Variants in PCDHA1 observed in about 807,000 individuals in gnomAD.
PCDHA1 encodes the protein protocadherin alpha-1.
Under a neutral mutation model 61.3 loss-of-function variants are expected in PCDHA1, and 42 were observed. The ratio of observed to expected loss-of-function variants is 0.69; its 90% confidence interval spans 0.54 to 0.89. The LOEUF is 0.89. PCDHA1 is among the 40% of genes least tolerant of loss of function. The probability of loss-of-function intolerance (pLI) is 0.00; values close to 1 mark genes in which losing one functional copy is unlikely to be tolerated. For missense variants in PCDHA1, 1,256 were observed against 1,235.3 expected, an observed-to-expected ratio of 1.02 and a Z score of -0.25; for synonymous variants, 610 against 553.8, an observed-to-expected ratio of 1.10 and a Z score of -1.43.
intron 1 of PCDHA1, chr5:140,796,866 A>C (rs2149924713): frequency 6.2e-7 from 1 of 1,614,040 alleles, no homozygotes; most frequent in Non-Finnish European, 8.5e-7. Context: ...TCAGCACGAC[A>C]CGTGCCCTAG....
intron 1 of PCDHA1, among the ~76,000 whole-genome samples, chr5:140,964,886 T>C (rs529789945): frequency 6.6e-6 from 1 of 152,306 alleles, no homozygotes; most frequent in South Asian, 2.1e-4. Context: ...GCAGCAGTGA[T>C]AGGAGGCTGG....
At chr5:140,829,705 C>G (rs2150172886) in intron 1 of PCDHA1, 4 of 1,613,374 alleles carry the variant, frequency 2.5e-6, no homozygotes, top group East Asian at 4.5e-5. Context: ...TGAGCGCGCG[C>G]GACGCGGGCG....
At chr5:140,927,748 G>T (rs782605586) in intron 1 of PCDHA1, 3 of 1,614,206 alleles carry the variant, frequency 1.9e-6, no homozygotes, top group Admixed American at 1.7e-5. Flanking sequence ...CCGCTTTCAC[G>T]TGCACCCTAA....
chr5:140,947,315 C>T (rs116397497), intron 1 of PCDHA1, among the ~76,000 whole-genome samples: 3,556 of 151,556 alleles, frequency 0.023, 49 homozygotes, highest in Middle Eastern at 0.034. Flanking sequence ...TGTAAAAAGT[C>T]GGTTGACCAT....
chr5:140,792,812 A>G (rs1246137356), intron 1 of PCDHA1, among the ~76,000 whole-genome samples: 1 of 152,166 alleles, frequency 6.6e-6, no homozygotes, highest in Admixed American at 6.5e-5. Flanking sequence ...TACATATGCA[A>G]TTGCTTTGCA....
intron 1 of PCDHA1, chr5:140,858,764 G>C: frequency 4.4e-6 from 2 of 451,976 alleles, no homozygotes; most frequent in Non-Finnish European, 8.0e-6. Context: ...ACAAATATTT[G>C]TGAGATTAGT....
In PCDHA1 at chr5:140,927,773, A is replaced by G. The variant is rs143568645; in HGVS notation, c.2395-51176A>G. ...GTGCACCCTAAAAGTGGGGAGGTGC[A>G]AGTAGCTGCTTCACTAGGTCCGCCT... is the stretch of plus-strand genomic sequence containing the variant. On this transcript the variant is annotated intron_variant, in intron 1 of 3. Coordinates refer to ENST00000504120, the MANE Select transcript of PCDHA1 (RefSeq NM_018900.4). 201 of 1,614,196 alleles carry G rather than the reference A, an allele frequency of 1.2e-4. 4 individuals carry two copies. In the Middle Eastern group the frequency reaches 2.1e-3, roughly 17 times the overall value.
chr5:140,952,338 C>CAAAAAAAA (rs55931446), intron 1 of PCDHA1, among the ~76,000 whole-genome samples: 1 of 135,028 alleles, frequency 7.4e-6, no homozygotes. Context: ...AACTCCATCT[C>CAAAAAAAA]AAAAAAAAAA....
chr5:140,836,831 A>G lies in PCDHA1; in HGVS notation c.2394+48147A>G, dbSNP rs927373808. 3.2e-6 allele frequency: 3 copies of G among 927,304 alleles called. No individual in the cohort carries two copies. In the African/African-American group the frequency reaches 5.0e-5, roughly 16 times the overall value. The allele number at this position is 927,304 out of a possible 1,614,324, so 57.4% of individuals were successfully genotyped here. ...TCTTTCATAATTTCTTTTTTAGTTG[A>G]TAGCTTTATGTATAATTATTATTTT... On this transcript the variant is annotated intron_variant, in intron 1 of 3. Coordinates refer to ENST00000504120, the MANE Select transcript of PCDHA1 (RefSeq NM_018900.4).
intron 1 of PCDHA1, chr5:140,797,257 C>T: frequency 6.2e-7 from 1 of 1,614,214 alleles, no homozygotes; most frequent in Non-Finnish European, 8.5e-7. Flanking sequence ...GGAGGACCCC[C>T]CCAAGACGGA....
chr5:140,804,261 T>C (rs1212354141), intron 1 of PCDHA1: 1 of 152,214 alleles, frequency 6.6e-6, no homozygotes, highest in Non-Finnish European at 1.5e-5. Flanking sequence ...AGAATAACAA[T>C]TGCATTTAGA....
intron 1 of PCDHA1, chr5:140,869,173 T>C: frequency 6.2e-7 from 1 of 1,613,884 alleles, no homozygotes; most frequent in African/African-American, 1.3e-5. Flanking sequence ...CCTCGAATTC[T>C]GGGAGGTGGG....
chr5:140,993,891 C>G (rs2097585722), intron 3 of PCDHA1, among the ~76,000 whole-genome samples: 1 of 152,096 alleles, frequency 6.6e-6, no homozygotes. Flanking sequence ...CTATGATGTC[C>G]ATACAACAAA....
chr5:140,796,789 T>C (rs1196186829), intron 1 of PCDHA1: 1 of 1,614,110 alleles, frequency 6.2e-7, no homozygotes, highest in Non-Finnish European at 8.5e-7. Context: ...GTGGCTTTCG[T>C]ACGAGCTTCA....
At chr5:140,855,952 A>AT in intron 1 of PCDHA1, 1 of 1,380,786 alleles carries the variant, frequency 7.2e-7, no homozygotes, top group South Asian at 1.4e-5. Flanking sequence ...AGCCATTTCG[A>AT]TAAAAAATAG....
At chr5:140,977,126 T>C (rs782356713) in intron 1 of PCDHA1, among the ~76,000 whole-genome samples, 27 of 152,240 alleles carry the variant, frequency 1.8e-4, no homozygotes, top group Admixed American at 4.6e-4. Context: ...GAACTGAGTT[T>C]CCTGGTCAGT....
chr5:140,869,546 C>A (rs201504685), intron 1 of PCDHA1: 3 of 1,614,170 alleles, frequency 1.9e-6, no homozygotes, highest in East Asian at 4.5e-5. Flanking sequence ...TCTAAGCAAT[C>A]GGACTCGCGT....
In PCDHA1 at chr5:140,884,802, ACTCTGC is replaced by A. The variant is rs2060361534; in HGVS notation, c.2395-94146_2395-94141del. The A allele has an allele frequency of 4.1e-6, 5 of 1,232,140 alleles. No individual in the cohort carries two copies. The South Asian group carries it at 9.1e-5, about 22-fold the overall frequency. The allele number at this position is 1,232,140 out of a possible 1,614,324, so 76.3% of individuals were successfully genotyped here. A position where few individuals can be genotyped will look rare whatever the true frequency, so the allele number is the denominator to read the frequency against. ...TTGCTAGTTGTTATCGAATTTAACA[ACTCTGC>A]TGTGGACATTATGTGTTGGATTATC... is the stretch of plus-strand genomic sequence containing the variant. On this transcript the variant is annotated intron_variant, in intron 1 of 3. Transcript: ENST00000504120.
chr5:140,915,306 A>G (rs999638953), intron 1 of PCDHA1, among the ~76,000 whole-genome samples: 1 of 152,136 alleles, frequency 6.6e-6, no homozygotes, highest in Non-Finnish European at 1.5e-5. Context: ...ATAAGTTTAC[A>G]TACCACAATT....
Sources: allele counts gnomAD v4.1 joint callset (sites outside exome capture counted in the v4.1 genomes callset), GRCh38; gene constraint gnomAD v4.1.1; transcripts MANE v1.5; gene names NCBI Gene and HGNC (gene_info 2026-07-23, HGNC 2026-07-21).